PCDHGA2: variants seen among roughly 807,000 people sequenced by gnomAD.
The protein encoded by PCDHGA2 is protocadherin gamma-A2.
In PCDHGA2, 40 loss-of-function variants were observed where a neutral mutation model predicts 59.2. That is an observed-to-expected ratio of 0.68 (90% CI 0.52 to 0.88). PCDHGA2 has a LOEUF of 0.88. Among genes scored for constraint, PCDHGA2 ranks in the 40% least tolerant of loss-of-function variants. The probability of loss-of-function intolerance (pLI) is 0.00; values close to 1 mark genes in which losing one functional copy is unlikely to be tolerated. For synonymous variants in PCDHGA2, 560 were observed against 526.0 expected (o/e 1.06, Z -0.89); for missense variants, 1,226 against 1,204.0 (o/e 1.02, Z -0.27).
At position 141,371,726 on chromosome 5, in the gene PCDHGA2, T is replaced by A. The variant is rs769173416; in HGVS notation, c.2424+30331T>A. The A allele has an allele frequency of 9.9e-6, 16 of 1,613,932 alleles. 2 individuals carry two copies. In the South Asian group the frequency reaches 1.3e-4, roughly 13 times the overall value. The stretch of plus-strand genomic sequence containing the variant: ...AGACCATCACTCTGCACATCCTTGA[T>A]GTCAACGACAACGTTCCCGTTTTCC... On this transcript the variant is annotated intron_variant, in intron 1 of 3. Coordinates refer to ENST00000394576, the MANE Select transcript of PCDHGA2 (RefSeq NM_018915.4).
chr5:141,384,341 G>A (rs373965421), intron 1 of PCDHGA2: 3 of 1,613,758 alleles, frequency 1.9e-6, no homozygotes, highest in Admixed American at 1.7e-5. Context: ...GACCACGACA[G>A]TGAGGATAAT....
intron 1 of PCDHGA2, among the ~76,000 whole-genome samples, chr5:141,481,950 T>C (rs1378337886): frequency 2.7e-5 from 4 of 146,216 alleles, no homozygotes; most frequent in Admixed American, 1.4e-4. Flanking sequence ...CCAGATGTGG[T>C]GGCAGGTGCC....
At chr5:141,469,373 G>A (rs532041259) in intron 1 of PCDHGA2, among the ~76,000 whole-genome samples, 3 of 151,992 alleles carry the variant, frequency 2.0e-5, no homozygotes, top group South Asian at 2.1e-4. Context: ...TAAAGAGATC[G>A]AGACCATCCT....
Position 141,474,743 on chromosome 5 carries a change from T to A in PCDHGA2, c.2425-20064T>A, listed in dbSNP as rs113053006. Among the ~76,000 whole-genome samples the A allele has an allele frequency of 4.0e-3, 610 of 152,354 alleles. 8 individuals carry two copies. The highest frequency in any genetic ancestry group is 0.014 in the African/African-American group (593 of 41,580). On this transcript the variant is annotated intron_variant, in intron 1 of 3. Transcript: ENST00000394576. ...AGGACTCTATGCAATCAAAGTGATG[T>A]CCAAGACAAATATACAGAAATAGTA...
intron 3 of PCDHGA2, among the ~76,000 whole-genome samples, chr5:141,508,930 T>A (rs2099873149): frequency 6.6e-6 from 1 of 151,836 alleles, no homozygotes; most frequent in African/African-American, 2.4e-5. Context: ...CTTTTGGAGT[T>A]AATTAGGGAA....
chr5:141,421,379 A>G, intron 1 of PCDHGA2: 1 of 1,614,054 alleles, frequency 6.2e-7, no homozygotes, highest in Non-Finnish European at 8.5e-7. Flanking sequence ...AATATCTCCA[A>G]GGACCTGGGG....
chr5:141,418,996 TG>T (rs745777250), intron 1 of PCDHGA2: 13 of 1,613,756 alleles, frequency 8.1e-6, no homozygotes, highest in Non-Finnish European at 1.1e-5. Flanking sequence ...CAGGGGAAAA[TG>T]GGGAAGTCAG....
rs985430498 is a variant in PCDHGA2 at position 141,387,945 on chromosome 5, C to T, written c.2424+46550C>T. The T allele has an allele frequency of 4.0e-6, 6 of 1,484,034 alleles. No homozygotes were observed. The African/African-American group carries it at 8.5e-5, about 21-fold the overall frequency. The allele number at this position is 1,484,034 out of a possible 1,614,324, so 91.9% of individuals were successfully genotyped here. A position where few individuals can be genotyped will look rare whatever the true frequency, so the allele number is the denominator to read the frequency against. On this transcript the variant is annotated intron_variant, in intron 1 of 3. Coordinates refer to ENST00000394576, the MANE Select transcript of PCDHGA2 (RefSeq NM_018915.4). ...GAGGCTGCCAGTGCTCTTTCTCTTC[C>T]TGCTGTCTTTGTTCTGCCCGGCGCT...
At chr5:141,464,408 T>C (rs2154568477) in intron 1 of PCDHGA2, among the ~76,000 whole-genome samples, 1 of 151,718 alleles carries the variant, frequency 6.6e-6, no homozygotes, top group African/African-American at 2.4e-5. Flanking sequence ...CTGAGATATA[T>C]ATATATCTAT....
chr5:141,410,774 C>G, intron 1 of PCDHGA2: 4 of 955,126 alleles, frequency 4.2e-6, no homozygotes, highest in Non-Finnish European at 5.8e-6. Context: ...ATAGTTTTCA[C>G]TATGTATTTG....
intron 1 of PCDHGA2, chr5:141,404,461 C>T: frequency 1.2e-6 from 2 of 1,613,208 alleles, no homozygotes; most frequent in Non-Finnish European, 1.7e-6. Flanking sequence ...CTCTCTCCAC[C>T]TATGTCTCTA....
chr5:141,366,278 G>A, intron 1 of PCDHGA2: 1 of 1,613,712 alleles, frequency 6.2e-7, no homozygotes. Flanking sequence ...CGAAGACCAT[G>A]GCCAGCCCCC....
intron 1 of PCDHGA2, chr5:141,414,700 A>G (rs886960965): frequency 6.2e-7 from 1 of 1,613,994 alleles, no homozygotes. Context: ...GTCCTCATAC[A>G]TATCCATCAA....
chr5:141,399,527 T>C lies in PCDHGA2; in HGVS notation c.2424+58132T>C, dbSNP rs781680585. ...GAAAACAACCCTCCTGGGGCCTCCA[T>C]CGCGCAAGTCTGCGCCTCGGACCTG... is the stretch of plus-strand genomic sequence containing the variant. On this transcript the variant is annotated intron_variant, in intron 1 of 3. Transcript: ENST00000394576. The C allele has an allele frequency of 1.4e-4, 229 of 1,613,898 alleles. No homozygotes were observed. The highest frequency in any genetic ancestry group is 1.9e-4 in the Non-Finnish European group (225 of 1,179,892).
rs776805404 is a variant in PCDHGA2 at position 141,351,555 on chromosome 5, C to G, written c.2424+10160C>G. The G allele has an allele frequency of 1.9e-6, 3 of 1,614,022 alleles. No individual in the cohort carries two copies. The highest frequency in any genetic ancestry group is 2.5e-6 in the Non-Finnish European group (3 of 1,179,894). ...GGCAAACCAGCCCTTTCCTCCAGGA[C>G]AAGCATCACCCTGCACATCTCCGAC... is the stretch of plus-strand genomic sequence containing the variant. On this transcript the variant is annotated intron_variant, in intron 1 of 3. Transcript: ENST00000394576.
At chr5:141,434,920 A>G (rs927245955) in intron 1 of PCDHGA2, among the ~76,000 whole-genome samples, 3 of 151,796 alleles carry the variant, frequency 2.0e-5, no homozygotes, top group East Asian at 1.9e-4. Flanking sequence ...ATTTATGTAC[A>G]TATATTTTAT....
intron 1 of PCDHGA2, chr5:141,415,028 C>T (rs756347396): frequency 3.1e-6 from 5 of 1,613,524 alleles, no homozygotes; most frequent in Middle Eastern, 1.7e-4. Context: ...GCCAGCGAGC[C>T]GGGACTCTTC....
At chr5:141,414,788 C>T in intron 1 of PCDHGA2, 1 of 1,614,222 alleles carries the variant, frequency 6.2e-7, no homozygotes, top group Non-Finnish European at 8.5e-7. Flanking sequence ...CAGGTGACAG[C>T]CAGCGACAGC....
At chr5:141,418,946 G>A in intron 1 of PCDHGA2, 3 of 1,614,018 alleles carry the variant, frequency 1.9e-6, no homozygotes, top group South Asian at 1.1e-5. Flanking sequence ...TTCCCCTCCA[G>A]GAGTGGTTGT....
Sources: allele counts gnomAD v4.1 joint callset (sites outside exome capture counted in the v4.1 genomes callset), GRCh38; gene constraint gnomAD v4.1.1; transcripts MANE v1.5; gene names NCBI Gene and HGNC (gene_info 2026-07-23, HGNC 2026-07-21).